The following MTUS2 variants were observed in gnomAD, a reference collection of about 807,000 sequenced individuals.
MTUS2 encodes microtubule associated scaffold protein 2, also known as microtubule-associated tumor suppressor candidate 2.
In MTUS2, 40 loss-of-function variants were observed where a neutral mutation model predicts 114.1. The observed-to-expected ratio is 0.35, with a 90% CI of 0.27 to 0.46. The LOEUF (loss-of-function observed/expected upper bound fraction) is 0.46. MTUS2 is among the 20% of genes least tolerant of loss of function. MTUS2 has a pLI of 1.00. For synonymous variants in MTUS2, 688 were observed against 672.0 expected (o/e 1.02, Z -0.37); for missense variants, 1,679 against 1,705.4 (o/e 0.98, Z 0.27).
At chr13:28,852,681 A>G (rs528313323) in intron 2 of MTUS2, among the ~76,000 whole-genome samples, 4 of 152,246 alleles carry the variant, frequency 2.6e-5, no homozygotes, top group Non-Finnish European at 4.4e-5. Flanking sequence ...CCTGGGCAAC[A>G]TAGTGAAACC....
intron 2 of MTUS2, among the ~76,000 whole-genome samples, chr13:29,015,777 A>G (rs1212111576): frequency 6.6e-5 from 10 of 152,236 alleles, no homozygotes; most frequent in Non-Finnish European, 8.8e-5. Flanking sequence ...ATGTATTTAT[A>G]TGGGAGGAAG....
intron 4 of MTUS2, among the ~76,000 whole-genome samples, chr13:29,064,262 C>G (rs766620954): frequency 2.6e-5 from 4 of 151,770 alleles, no homozygotes; most frequent in African/African-American, 9.7e-5. Context: ...TTTGCAGCTT[C>G]TTTAGGAAAC....
chr13:28,843,090 A>G (rs146133709), intron 2 of MTUS2, among the ~76,000 whole-genome samples: 210 of 152,304 alleles, frequency 1.4e-3, no homozygotes, highest in African/African-American at 4.9e-3. Flanking sequence ...ATTTTAGACC[A>G]GCCTGTCTCA....
intron 2 of MTUS2, among the ~76,000 whole-genome samples, chr13:28,893,860 T>A (rs1273210488): frequency 1.1e-4 from 16 of 152,180 alleles, no homozygotes; most frequent in Admixed American, 1.0e-3. Flanking sequence ...TTTGCAAATT[T>A]TTATGACTCA....
intron 8 of MTUS2, among the ~76,000 whole-genome samples, chr13:29,398,277 A>G (rs1023258072): frequency 2.6e-5 from 4 of 152,132 alleles, no homozygotes; most frequent in East Asian, 3.9e-4. Context: ...CCTGGCCAAC[A>G]TGGCGAAATC....
chr13:29,456,302 A>T (rs1879105211), intron 9 of MTUS2, among the ~76,000 whole-genome samples: 1 of 152,196 alleles, frequency 6.6e-6, no homozygotes, highest in Admixed American at 6.5e-5. Context: ...ATATTAGCCA[A>T]TCAGAAGAAC....
chr13:29,087,506 T>C (rs1889744936), intron 4 of MTUS2, among the ~76,000 whole-genome samples: 1 of 152,188 alleles, frequency 6.6e-6, no homozygotes, highest in African/African-American at 2.4e-5. Flanking sequence ...AGTTTCCTAG[T>C]ATTTTGTTGA....
At chr13:29,400,415 A>G (rs746626358) in intron 8 of MTUS2, among the ~76,000 whole-genome samples, 3 of 152,258 alleles carry the variant, frequency 2.0e-5, no homozygotes, top group Admixed American at 2.0e-4. Context: ...ATCAGTTGAG[A>G]TCTTAAGAGC....
chr13:29,084,793 C>G (rs916742655), intron 4 of MTUS2, among the ~76,000 whole-genome samples: 3 of 74,160 alleles, frequency 4.0e-5, no homozygotes, highest in East Asian at 4.7e-4. Context: ...CCCCCCCCCT[C>G]ACCGTTGGCC....
chr13:29,163,235 G>T (rs563253437), intron 5 of MTUS2, among the ~76,000 whole-genome samples: 1 of 152,072 alleles, frequency 6.6e-6, no homozygotes, highest in African/African-American at 2.4e-5. Context: ...ATGAAAATGG[G>T]CTGCTGTTTA....
chr13:29,462,944 A>G (rs73446128), intron 9 of MTUS2, among the ~76,000 whole-genome samples: 2,851 of 152,214 alleles, frequency 0.019, 77 homozygotes, highest in African/African-American at 0.064. Context: ...CCTGTGGTTA[A>G]TGGACTTTGC....
rs528754008 is a variant in MTUS2 at position 28,917,551 on chromosome 13, G to T, written c.-243+77701G>T. The stretch of plus-strand genomic sequence containing the variant: ...CACTAATGATTCTTTGAATTTCTAT[G>T]ATATCAGTTGTAATGTCTTTTTTTT... On this transcript the variant is annotated intron_variant, in intron 2 of 15. Coordinates refer to ENST00000612955, the MANE Select transcript of MTUS2 (RefSeq NM_001033602.4). Among the ~76,000 whole-genome samples, 17 of 151,294 alleles carry T rather than the reference G, an allele frequency of 1.1e-4. No individual in the cohort carries two copies. The South Asian group carries it at 3.3e-3, about 30-fold the overall frequency.
chr13:29,154,303 C>T (rs975418701), intron 5 of MTUS2, among the ~76,000 whole-genome samples: 1 of 152,240 alleles, frequency 6.6e-6, no homozygotes, highest in South Asian at 2.1e-4. Context: ...TTTGGTTACT[C>T]TTCAGTTTTA....
rs375705339 is a variant in MTUS2, at chr13:29,273,816, AG to A, written c.2645-7886del. On this transcript the variant is annotated intron_variant, in intron 5 of 15. Coordinates refer to ENST00000612955, the MANE Select transcript of MTUS2 (RefSeq NM_001033602.4). The stretch of plus-strand genomic sequence containing the variant: ...TATTTGTCCTTTTGTAAATGTTTTC[AG>A]GATTCATGCATGGTATATAGCATGT... 5.1e-3 allele frequency among the ~76,000 whole-genome samples: 773 copies of A among 152,268 alleles called. 10 individuals are homozygous for A. Among genetic ancestry groups the A allele is most frequent in the African/African-American group, 0.018 (740 of 41,556 alleles).
chr13:28,867,084 G>A (rs1877342963), intron 2 of MTUS2, among the ~76,000 whole-genome samples: 1 of 152,070 alleles, frequency 6.6e-6, no homozygotes, highest in African/African-American at 2.4e-5. Context: ...TATTTCACTG[G>A]CAGTTGGTAG....
At chr13:28,847,651 T>A (rs899048503) in intron 2 of MTUS2, among the ~76,000 whole-genome samples, 58 of 152,316 alleles carry the variant, frequency 3.8e-4, no homozygotes, top group African/African-American at 1.3e-3. Flanking sequence ...AGTTCTTCCA[T>A]CTGTGACTCT....
chr13:28,849,117 C>T (rs1487326711), intron 2 of MTUS2, among the ~76,000 whole-genome samples: 2 of 152,208 alleles, frequency 1.3e-5, no homozygotes, highest in Non-Finnish European at 2.9e-5. Context: ...AGCACAGACC[C>T]TGTAACCTAG....
chr13:29,034,148 C>G (rs1471210398), intron 4 of MTUS2, 23 bp downstream of exon 4: 3 of 1,613,020 alleles, frequency 1.9e-6, no homozygotes, highest in East Asian at 2.2e-5. Flanking sequence ...ACAGTTTCTG[C>G]CTTTTCCTGC....
intron 2 of MTUS2, among the ~76,000 whole-genome samples, chr13:28,851,160 G>A (rs1277045613): frequency 3.3e-5 from 5 of 152,174 alleles, no homozygotes; most frequent in Admixed American, 2.0e-4. Flanking sequence ...TAGCAGTAAA[G>A]CCTTTACTTA....
Sources: allele counts gnomAD v4.1 joint callset (sites outside exome capture counted in the v4.1 genomes callset), GRCh38; gene constraint gnomAD v4.1.1; transcripts MANE v1.5; gene names NCBI Gene and HGNC (gene_info 2026-07-23, HGNC 2026-07-21).